KHDRBS2: variants seen among roughly 807,000 people sequenced by gnomAD.
KHDRBS2 encodes the protein KH domain-containing, RNA-binding, signal transduction-associated protein 2.
A neutral mutation model predicts 44.3 loss-of-function variants in KHDRBS2; 26 were observed. The ratio of observed to expected loss-of-function variants is 0.59; its 90% CI spans 0.43 to 0.81. The LOEUF (loss-of-function observed/expected upper bound fraction) is 0.81, where lower values mean the gene tolerates loss of function less well. Among genes scored for constraint, KHDRBS2 ranks in the 40% least tolerant of loss-of-function variants. The pLI is 0.00. For synonymous variants in KHDRBS2, 194 were observed against 151.1 expected (o/e 1.28, Z -2.08); for missense variants, 476 against 433.1 (o/e 1.10, Z -0.88).
intron 8 of KHDRBS2, among the ~76,000 whole-genome samples, chr6:61,695,180 T>G (rs1767769391): frequency 6.6e-6 from 1 of 152,036 alleles, no homozygotes; most frequent in Non-Finnish European, 1.5e-5. Context: ...CACATCCTGT[T>G]CTTTTTACCA....
chr6:62,132,475 C>T lies in KHDRBS2; in HGVS notation c.219+44710G>A, dbSNP rs148259056. On this transcript the variant is annotated intron_variant, in intron 2 of 8. Coordinates refer to ENST00000281156, the MANE Select transcript of KHDRBS2 (RefSeq NM_152688.4). ...AAGGATGGAGACCAATATCTTGTCT[C>T]GTTACAAGCCCTCTGGTGACTCAGA... Among the ~76,000 whole-genome samples the T allele has an allele frequency of 4.4e-4, 67 of 152,280 alleles. No homozygotes were observed. In the Middle Eastern group the frequency reaches 0.014, roughly 31 times the overall value.
chr6:62,285,740 G>C, intron 1 of KHDRBS2, 118 bp downstream of exon 1: 1 of 668,342 alleles, frequency 1.5e-6, no homozygotes, highest in Admixed American at 2.5e-5. Context: ...GCATCTTCAG[G>C]GGGACAGTTT....
chr6:61,611,886 T>C, the KHDRBS2 span, among the ~76,000 whole-genome samples: 1 of 152,218 alleles, frequency 6.6e-6, no homozygotes, highest in African/African-American at 2.4e-5. Context: ...TATGTCCACG[T>C]GAGCTTAGTG....
At chr6:61,872,960 A>T (rs1164380707) in intron 6 of KHDRBS2, among the ~76,000 whole-genome samples, 1 of 152,122 alleles carries the variant, frequency 6.6e-6, no homozygotes, top group South Asian at 2.1e-4. Context: ...GCACTGATAA[A>T]ACTGGTTATC....
At chr6:62,060,627 C>CTATATATA (rs1364800677) in intron 2 of KHDRBS2, among the ~76,000 whole-genome samples, 1 of 149,524 alleles carries the variant, frequency 6.7e-6, no homozygotes, top group African/African-American at 2.5e-5. Flanking sequence ...CTCTCTCTCT[C>CTATATATA]TCTCTCTATA....
intron 4 of KHDRBS2, among the ~76,000 whole-genome samples, chr6:61,974,933 AAAATAAATAAATAAATAAATAAAT>A (rs139333730): frequency 1.7e-3 from 233 of 138,726 alleles, no homozygotes; most frequent in African/African-American, 6.0e-3. Flanking sequence ...TCCATCTTAA[AAAATAAATAAATAAATAAATAAAT>A]AAATAAATAA....
At chr6:62,013,274 CT>C (rs1386752793) in intron 3 of KHDRBS2, among the ~76,000 whole-genome samples, 2 of 151,932 alleles carry the variant, frequency 1.3e-5, no homozygotes, top group African/African-American at 4.8e-5. Context: ...TGATGTGTAC[CT>C]AGTTATAAAC....
chr6:62,038,440 C>T lies in KHDRBS2; in HGVS notation c.336+9438G>A, dbSNP rs1785775174. The stretch of plus-strand genomic sequence containing the variant: ...TGAAGAGCCCAAATAAATTTTCAAG[C>T]ATTCATGACAACTCTACTCAAGTAA... On this transcript the variant is annotated intron_variant, in intron 3 of 8. Coordinates refer to ENST00000281156, the MANE Select transcript of KHDRBS2 (RefSeq NM_152688.4). 2.6e-5 allele frequency among the ~76,000 whole-genome samples: 4 copies of T among 152,002 alleles called. No individual in the cohort carries two copies. The South Asian group carries it at 8.3e-4, about 32-fold the overall frequency.
At chr6:61,908,044 G>C (rs1199954781) in intron 4 of KHDRBS2, among the ~76,000 whole-genome samples, 1 of 152,072 alleles carries the variant, frequency 6.6e-6, no homozygotes, top group Non-Finnish European at 1.5e-5. Flanking sequence ...AGTGGTTATA[G>C]TTTTATAGCA....
chr6:62,258,787 G>T (rs1387058342), intron 1 of KHDRBS2, among the ~76,000 whole-genome samples: 1 of 151,874 alleles, frequency 6.6e-6, no homozygotes, highest in African/African-American at 2.4e-5. Context: ...TTAGATACGG[G>T]ATACTCAACC....
At chr6:61,767,095 C>T (rs907776460) in intron 6 of KHDRBS2, among the ~76,000 whole-genome samples, 4 of 152,022 alleles carry the variant, frequency 2.6e-5, no homozygotes, top group African/African-American at 4.8e-5. Context: ...CTATCACTCT[C>T]TTTAGTTCTC....
chr6:61,940,869 A>G (rs1811998773), intron 4 of KHDRBS2, among the ~76,000 whole-genome samples: 1 of 152,194 alleles, frequency 6.6e-6, no homozygotes, highest in Non-Finnish European at 1.5e-5. Flanking sequence ...GCAGGGCCTG[A>G]GGCTTGAGAA....
At chr6:62,243,183 A>G (rs563647684) in intron 1 of KHDRBS2, among the ~76,000 whole-genome samples, 1 of 152,170 alleles carries the variant, frequency 6.6e-6, no homozygotes, top group South Asian at 2.1e-4. Flanking sequence ...CACTACATAT[A>G]TATATCTATA....
chr6:61,993,650 C>CATATATATATATATATATATATATAT (rs1188471190), intron 3 of KHDRBS2, among the ~76,000 whole-genome samples: 4 of 66,402 alleles, frequency 6.0e-5, no homozygotes, highest in Non-Finnish European at 1.4e-4. Flanking sequence ...CCCATAAAAT[C>CATATATATATATATATATATATATAT]ATATATATAT....
intron 1 of KHDRBS2, among the ~76,000 whole-genome samples, chr6:62,213,905 A>AAAAAAAAAAAAT (rs1301101254): frequency 7.5e-6 from 1 of 132,690 alleles, no homozygotes; most frequent in Admixed American, 7.6e-5. Context: ...AAAAAAAAAG[A>AAAAAAAAAAAAT]ATGAAGTATC....
chr6:61,985,891 C>T (rs1774970088), intron 3 of KHDRBS2, among the ~76,000 whole-genome samples: 1 of 151,906 alleles, frequency 6.6e-6, no homozygotes, highest in Non-Finnish European at 1.5e-5. Flanking sequence ...TAAATGACCG[C>T]TTTTATGTTA....
intron 7 of KHDRBS2, among the ~76,000 whole-genome samples, chr6:61,702,852 G>A (rs183967616): frequency 8.6e-5 from 13 of 151,906 alleles, no homozygotes; most frequent in African/African-American, 2.9e-4. Flanking sequence ...CTAAGGTCTA[G>A]AAGTCAAAAA....
chr6:62,081,634 A>T (rs534963883), intron 2 of KHDRBS2, among the ~76,000 whole-genome samples: 1 of 152,296 alleles, frequency 6.6e-6, no homozygotes, highest in South Asian at 2.1e-4. Context: ...AACAAAATGT[A>T]CTGAATGGTA....
intron 1 of KHDRBS2, among the ~76,000 whole-genome samples, chr6:62,253,713 A>G (rs1836920538): frequency 6.6e-6 from 1 of 152,068 alleles, no homozygotes; most frequent in East Asian, 1.9e-4. Context: ...AATTATTACA[A>G]TAACAGCCTG....
Sources: gnomAD v4.1 joint callset for allele counts (sites outside exome capture counted in the v4.1 genomes callset) on GRCh38, gnomAD v4.1.1 for gene constraint, MANE v1.5 for transcripts, NCBI Gene and HGNC (gene_info 2026-07-23, HGNC 2026-07-21) for gene names.